The following ARHGEF6 variants were observed in gnomAD, a reference collection of about 807,000 sequenced individuals.
ARHGEF6 encodes Rac/Cdc42 guanine nucleotide exchange factor 6.
ARHGEF6 carries 9 observed loss-of-function variants against 70.3 expected under a neutral mutation model. The observed-to-expected ratio is 0.13, with a 90% CI of 0.08 to 0.22. ARHGEF6 has a LOEUF of 0.22. ARHGEF6 is among the 10% of genes least tolerant of loss of function. The pLI is 1.00. For missense variants in ARHGEF6, 470 were observed against 563.0 expected, an observed-to-expected ratio of 0.83 and a Z score of 1.67; for synonymous variants, 201 against 207.8, an observed-to-expected ratio of 0.97 and a Z score of 0.28.
intron 2 of ARHGEF6, among the ~76,000 whole-genome samples, chrX:136,771,456 A>C (rs1415752528): frequency 8.9e-6 from 1 of 112,357 alleles, no homozygotes; most frequent in Admixed American, 9.4e-5. Flanking sequence ...TAGCTACATT[A>C]ATCAGTTCAA....
At chrX:136,761,786 A>G (rs867309930) in intron 2 of ARHGEF6, among the ~76,000 whole-genome samples, 1 of 112,558 alleles carries the variant, frequency 8.9e-6, no homozygotes, top group African/African-American at 3.2e-5. Context: ...AGAGCATAGT[A>G]CTGAGAGAGA....
chrX:136,758,786 AATAC>A (rs1217243616), intron 2 of ARHGEF6, among the ~76,000 whole-genome samples: 1 of 111,673 alleles, frequency 9.0e-6, no homozygotes, highest in Admixed American at 9.5e-5. Context: ...TAGACTCTTA[AATAC>A]ACAAGCTATC....
intron 17 of ARHGEF6, 153 bp from the exon 18 acceptor site, chrX:136,676,870 T>C (rs2076286549): frequency 2.1e-6 from 1 of 476,620 alleles, no homozygotes; most frequent in Non-Finnish European, 3.8e-6. Flanking sequence ...TTAAAATGGT[T>C]CCAATAAACT....
intron 9 of ARHGEF6, among the ~76,000 whole-genome samples, chrX:136,693,951 T>C (rs1261092015): frequency 1.8e-5 from 2 of 111,153 alleles, no homozygotes; most frequent in Non-Finnish European, 3.8e-5. Context: ...ATTTCAAGAG[T>C]GCCACTCACA....
chrX:136,705,611 T>G, intron 9 of ARHGEF6, among the ~76,000 whole-genome samples: 1 of 111,768 alleles, frequency 8.9e-6, no homozygotes, highest in Non-Finnish European at 1.9e-5. Context: ...TTACATCATG[T>G]GCCTGGCACA....
chrX:136,771,445 G>A (rs939298109), intron 2 of ARHGEF6, among the ~76,000 whole-genome samples: 87 of 112,087 alleles, frequency 7.8e-4, no homozygotes, highest in African/African-American at 2.6e-3. Context: ...AACTTACTAC[G>A]TAGCTACATT....
At chrX:136,712,329 T>C (rs2076694976) in intron 7 of ARHGEF6, among the ~76,000 whole-genome samples, 1 of 111,824 alleles carries the variant, frequency 8.9e-6, no homozygotes, top group Non-Finnish European at 1.9e-5. Context: ...GCCAGGCTGG[T>C]CTTGGACTCC....
chrX:136,742,183 G>T (rs1460622442), intron 5 of ARHGEF6, among the ~76,000 whole-genome samples: 2 of 111,489 alleles, frequency 1.8e-5, no homozygotes, highest in Non-Finnish European at 3.8e-5. Flanking sequence ...GCCAGGCGTG[G>T]TGGCAGGCGC....
Position 136,715,312 on chromosome X carries a change from A to T in ARHGEF6, c.733-1942T>A, listed in dbSNP as rs566455085. On this transcript the variant is annotated intron_variant, in intron 6 of 21. Coordinates refer to ENST00000250617, the MANE Select transcript of ARHGEF6 (RefSeq NM_004840.3). ...TGAGATGAATGAAAATGAAAACACA[A>T]CATACAAAAACTCATGGGGTGCAGT... 1.2e-4 allele frequency among the ~76,000 whole-genome samples: 13 copies of T among 111,548 alleles called. No individual in the cohort carries two copies. The South Asian group carries it at 4.9e-3, about 42-fold the overall frequency.
intron 2 of ARHGEF6, among the ~76,000 whole-genome samples, chrX:136,748,114 A>G (rs1165157757): frequency 8.9e-6 from 1 of 111,789 alleles, no homozygotes; most frequent in East Asian, 2.8e-4. Context: ...CACCCGCTGC[A>G]TCCCAACTGC....
chrX:136,687,536 A>C (rs2076416469), intron 11 of ARHGEF6, among the ~76,000 whole-genome samples: 2 of 112,215 alleles, frequency 1.8e-5, no homozygotes, highest in Admixed American at 1.9e-4. Flanking sequence ...TTCATATGCA[A>C]AGAAAAAACT....
At chrX:136,726,533 GTAGA>G (rs1173532320) in intron 6 of ARHGEF6, among the ~76,000 whole-genome samples, 1 of 111,987 alleles carries the variant, frequency 8.9e-6, no homozygotes, top group Non-Finnish European at 1.9e-5. Flanking sequence ...GCAGAGAGAG[GTAGA>G]TAGATGAGTG....
At chrX:136,780,192 C>T (rs2148692922) in intron 1 of ARHGEF6, among the ~76,000 whole-genome samples, 1 of 111,951 alleles carries the variant, frequency 8.9e-6, no homozygotes, top group Admixed American at 9.5e-5. Context: ...GCATTCGAAA[C>T]ATATATCTGG....
chrX:136,708,900 T>C, intron 7 of ARHGEF6, 130 bp from the exon 8 acceptor site: 1 of 442,478 alleles, frequency 2.3e-6, no homozygotes. Flanking sequence ...ATAACAACTC[T>C]ATTGTCTTAG....
intron 2 of ARHGEF6, among the ~76,000 whole-genome samples, chrX:136,769,619 G>A (rs1355560297): frequency 9.0e-6 from 1 of 110,966 alleles, no homozygotes; most frequent in African/African-American, 3.3e-5. Flanking sequence ...TGTAGTTGTA[G>A]CCAGGACAAT....
intron 6 of ARHGEF6, among the ~76,000 whole-genome samples, chrX:136,727,377 CTTTCTTTCTTTCTT>C (rs1457774871): frequency 4.7e-4 from 33 of 70,063 alleles, no homozygotes; most frequent in African/African-American, 1.9e-3. Flanking sequence ...TTCTTTCTTT[CTTTCTTTCTTTCTT>C]TCTTTCTCTC....
At position 136,779,508 on chromosome X, in the gene ARHGEF6, A is replaced by G. The variant is rs140322310; in HGVS notation, c.166-11T>C. On this transcript the variant is annotated splice_polypyrimidine_tract_variant and intron_variant, in intron 1 of 21. Transcript: ENST00000250617. ...GGGATCCAGACAAAACTAGAGGAAC[A>G]CAGTGAAATGTCACTTGGAGATTGT... is the stretch of plus-strand genomic sequence containing the variant. The G allele has an allele frequency of 3.0e-3, 3,574 of 1,192,114 alleles. 7 individuals carry two copies. The highest frequency in any genetic ancestry group is 3.8e-3 in the Non-Finnish European group (3,330 of 878,936).
intron 19 of ARHGEF6, among the ~76,000 whole-genome samples, chrX:136,673,499 G>T (rs758277766): frequency 8.9e-6 from 1 of 111,864 alleles, no homozygotes. Context: ...GGGTGAAGAC[G>T]TGTCTTTTTA....
At chrX:136,703,806 G>A (rs1431658186) in intron 9 of ARHGEF6, among the ~76,000 whole-genome samples, 1 of 113,160 alleles carries the variant, frequency 8.8e-6, no homozygotes, top group Admixed American at 9.3e-5. Flanking sequence ...ACAGGCATGA[G>A]CCACCACGCC....
Sources: gnomAD v4.1 joint callset for allele counts (sites outside exome capture counted in the v4.1 genomes callset) on GRCh38, gnomAD v4.1.1 for gene constraint, MANE v1.5 for transcripts, NCBI Gene and HGNC (gene_info 2026-07-23, HGNC 2026-07-21) for gene names.